CA8: variants seen among roughly 807,000 people sequenced by gnomAD.
CA8 encodes the protein carbonic anhydrase 8 (inactive), also known as carbonic anhydrase-related protein.
Under a neutral mutation model 41.4 loss-of-function variants are expected in CA8, and 22 were observed. The ratio of observed to expected loss-of-function variants is 0.53; its 90% CI spans 0.38 to 0.76. CA8 has a LOEUF of 0.76. CA8 is among the 30% of genes least tolerant of loss of function. The pLI is 0.00. For synonymous variants in CA8, 121 were observed against 130.6 expected (o/e 0.93, Z 0.50); for missense variants, 270 against 352.8 (o/e 0.77, Z 1.88).
At chr8:60,239,928 G>A (rs1314580701) in intron 3 of CA8, among the ~76,000 whole-genome samples, 18 of 152,310 alleles carry the variant, frequency 1.2e-4, no homozygotes, top group Middle Eastern at 3.4e-3. Context: ...CCTCAGCCAC[G>A]TGGAACTGTG....
intron 7 of CA8, among the ~76,000 whole-genome samples, chr8:60,211,614 T>TG (rs768596834): frequency 2.0e-5 from 3 of 152,244 alleles, no homozygotes; most frequent in Non-Finnish European, 4.4e-5. Context: ...AAGCACATTC[T>TG]GTGAAAACAA....
intron 8 of CA8, among the ~76,000 whole-genome samples, chr8:60,195,696 CTA>C (rs1181835968): frequency 6.6e-6 from 1 of 152,134 alleles, no homozygotes; most frequent in Non-Finnish European, 1.5e-5. Flanking sequence ...AGGCTGTGAG[CTA>C]TGTCAGGGGA....
intron 7 of CA8, among the ~76,000 whole-genome samples, chr8:60,220,029 T>C (rs1018350284): frequency 1.3e-5 from 2 of 150,326 alleles, no homozygotes; most frequent in African/African-American, 4.9e-5. Context: ...AGATGGTCTA[T>C]ATATGGTCCA....
chr8:60,248,861 A>G (rs1808346400), intron 3 of CA8, among the ~76,000 whole-genome samples: 1 of 152,120 alleles, frequency 6.6e-6, no homozygotes, highest in Admixed American at 6.5e-5. Flanking sequence ...CAGTATGGCC[A>G]TTTTCACGAT....
At chr8:60,210,199 A>T (rs550821867) in intron 7 of CA8, among the ~76,000 whole-genome samples, 1 of 152,310 alleles carries the variant, frequency 6.6e-6, no homozygotes, top group South Asian at 2.1e-4. Context: ...ATTCTAGTCA[A>T]TTCAATATAA....
chr8:60,251,735 A>G (rs75422335), intron 3 of CA8, among the ~76,000 whole-genome samples: 5,926 of 152,092 alleles, frequency 0.039, 174 homozygotes, highest in South Asian at 0.13. Context: ...TCTTTGCCCA[A>G]CTCCCTGCTG....
At chr8:60,214,841 T>G (rs767220125) in intron 7 of CA8, among the ~76,000 whole-genome samples, 5 of 152,200 alleles carry the variant, frequency 3.3e-5, no homozygotes, top group Non-Finnish European at 5.9e-5. Context: ...AGAAGACGTA[T>G]CATGTATCCA....
rs1806017938 is a variant in CA8, at chr8:60,188,300, A to AT, written c.*1720dup. The AT allele has an allele frequency of 6.6e-6, 1 of 152,220 alleles. No homozygotes were observed. The highest frequency in any genetic ancestry group is 2.1e-4 in the South Asian group (1 of 4,832). 9.4% of individuals were successfully genotyped at this position (152,220 alleles called of 1,614,324 possible). A position where few individuals can be genotyped will look rare whatever the true frequency, so the allele number is the denominator to read the frequency against. On this transcript the variant is annotated 3_prime_UTR_variant, in exon 9 of 9. Transcript: ENST00000317995. ...GTATTTCAGGGAAAGATGAAAGAAG[A>AT]TTGCAAGAAGCATCAGAAGTCTAGT...
At chr8:60,259,372 T>G (rs1259031704) in intron 3 of CA8, among the ~76,000 whole-genome samples, 1 of 152,242 alleles carries the variant, frequency 6.6e-6, no homozygotes, top group Non-Finnish European at 1.5e-5. Flanking sequence ...AAATCTGCCT[T>G]CTATCATAAA....
rs1474226016 is a variant in CA8, at chr8:60,186,957, ACAACACAACAGGC to A, written c.*3051_*3063del. Among the ~76,000 whole-genome samples the A allele has an allele frequency of 6.6e-6, 1 of 152,072 alleles. No individual in the cohort carries two copies. Among genetic ancestry groups the A allele is most frequent in the Non-Finnish European group, 1.5e-5 (1 of 67,918 alleles). ...ATCAACAAGGAAATAGAAGACTTGA[ACAACACAACAGGC>A]CAACACTATAGACCTAACAGCCATC... On this transcript the variant is annotated 3_prime_UTR_variant, in exon 9 of 9. Transcript: ENST00000317995.
In CA8 at chr8:60,281,128, A is replaced by C. The variant is rs776173702; in HGVS notation, c.20T>G (p.Ile7Ser). The C allele has an allele frequency of 6.3e-6, 10 of 1,583,406 alleles. No homozygotes were observed. The highest frequency in any genetic ancestry group is 8.6e-6 in the Non-Finnish European group (10 of 1,166,374). ...CTCGGGGAAGGCGACGGTATCTTCG[A>C]TGAAGCTCAGGTCCGCCATGGGAAG... MADLSF[I>S]EDTVAFPEKE... Residue 7 changes from isoleucine (I) to serine (S), a missense_variant, in exon 1 of 9, where the codon ATC becomes AGC. Ile to Ser is a moderately radical substitution (Grantham distance 142, BLOSUM62 -2). Coordinates refer to ENST00000317995, the MANE Select transcript of CA8 (RefSeq NM_004056.6).
At chr8:60,260,677 T>C (rs547736602) in intron 3 of CA8, among the ~76,000 whole-genome samples, 1 of 152,258 alleles carries the variant, frequency 6.6e-6, no homozygotes, top group South Asian at 2.1e-4. Flanking sequence ...ATTTCTTCTT[T>C]GCTAGATAGG....
In CA8 at chr8:60,186,239, A is replaced by G. The variant is rs1805960075; in HGVS notation, c.*3782T>C. ...GGCTTACAGCATGTATAGATGTAAT[A>G]TGTATAACAATAATAGCACAAAAAG... On this transcript the variant is annotated 3_prime_UTR_variant, in exon 9 of 9. Coordinates refer to ENST00000317995, the MANE Select transcript of CA8 (RefSeq NM_004056.6). 1.3e-5 allele frequency among the ~76,000 whole-genome samples: 2 copies of G among 152,058 alleles called. No homozygotes were observed. The highest frequency in any genetic ancestry group is 6.6e-5 in the Admixed American group (1 of 15,266).
Position 60,251,359 on chromosome 8 carries a change from A to T in CA8, c.417+14566T>A, listed in dbSNP as rs1018825808. Reference sequence around the variant, plus strand: ...TATGTATAGCCCACTATATGCCAGGAACTAAAATTCTATTAAAAGTCAAGC... The same window carrying T: ...TATGTATAGCCCACTATATGCCAGGTACTAAAATTCTATTAAAAGTCAAGC... On this transcript the variant is annotated intron_variant, in intron 3 of 8. Transcript: ENST00000317995. 2.0e-5 allele frequency among the ~76,000 whole-genome samples: 3 copies of T among 152,234 alleles called. No individual in the cohort carries two copies. The East Asian group carries it at 5.8e-4, about 29-fold the overall frequency.
intron 3 of CA8, among the ~76,000 whole-genome samples, chr8:60,236,842 G>A (rs1303818401): frequency 2.0e-5 from 3 of 152,098 alleles, no homozygotes; most frequent in Non-Finnish European, 4.4e-5. Flanking sequence ...CTAATGCAGT[G>A]GTTAAAGATA....
intron 8 of CA8, among the ~76,000 whole-genome samples, chr8:60,192,900 A>G (rs1806169871): frequency 6.7e-6 from 1 of 148,944 alleles, no homozygotes; most frequent in Non-Finnish European, 1.5e-5. Context: ...CCTATGGAGA[A>G]TGAAGATTTG....
chr8:60,252,892 C>G (rs998293058), intron 3 of CA8, among the ~76,000 whole-genome samples: 1 of 151,998 alleles, frequency 6.6e-6, no homozygotes, highest in African/African-American at 2.4e-5. Context: ...GATAGGGCTA[C>G]TCAACCTATA....
At chr8:60,200,747 C>T (rs981596758) in intron 8 of CA8, among the ~76,000 whole-genome samples, 5 of 152,090 alleles carry the variant, frequency 3.3e-5, no homozygotes, top group African/African-American at 1.2e-4. Flanking sequence ...CACAATCCTC[C>T]CCATCAATTC....
intron 4 of CA8, among the ~76,000 whole-genome samples, chr8:60,230,072 A>ACGTT (rs1807588438): frequency 1.3e-5 from 2 of 152,162 alleles, no homozygotes; most frequent in South Asian, 4.1e-4. Context: ...TCCCACACCC[A>ACGTT]CGTTTTCTTT....
Sources: gnomAD v4.1 joint callset for allele counts (sites outside exome capture counted in the v4.1 genomes callset) on GRCh38, gnomAD v4.1.1 for gene constraint, MANE v1.5 for transcripts, NCBI Gene and HGNC (gene_info 2026-07-23, HGNC 2026-07-21) for gene names.